Variants in USP30 observed in about 807,000 individuals in gnomAD.
The protein encoded by USP30 is ubiquitin specific peptidase 30, also known as ubiquitin carboxyl-terminal hydrolase 30.
In USP30, 41 loss-of-function variants were observed where a neutral mutation model predicts 68.2. That is an observed-to-expected ratio of 0.60 (90% CI 0.47 to 0.78). The LOEUF (loss-of-function observed/expected upper bound fraction) is 0.78, where lower values mean the gene tolerates loss of function less well. USP30 is among the 30% of genes least tolerant of loss of function. The pLI is 0.00. For synonymous variants in USP30, 229 were observed against 253.7 expected, an observed-to-expected ratio of 0.90 and a Z score of 0.93; for missense variants, 522 against 649.4, an observed-to-expected ratio of 0.80 and a Z score of 2.13.
In USP30 at chr12:109,052,797, G is replaced by C. The variant is rs749839720; in HGVS notation, c.83+36G>C. 1.3e-5 allele frequency: 19 copies of C among 1,422,576 alleles called. No individual in the cohort carries two copies. In the African/African-American group the frequency reaches 2.5e-4, roughly 19 times the overall value. The allele number at this position is 1,422,576 out of a possible 1,614,324, so 88.1% of individuals were successfully genotyped here. ...GGGGGGCGGGGCTGCCGAAGAGGCC[G>C]GGACCAGGGTCCCCAGCTTGGGCCC... On this transcript the variant is annotated intron_variant, in intron 1 of 12. Coordinates refer to ENST00000257548, the MANE Select transcript of USP30 (RefSeq NM_032663.5).
chr12:109,048,929 G>A (rs147845035), upstream of USP30, among the ~76,000 whole-genome samples: 179 of 152,184 alleles, frequency 1.2e-3, no homozygotes, highest in African/African-American at 4.1e-3. Flanking sequence ...CATTAAGGCT[G>A]GTCAGCTGTT....
At chr12:109,051,822 G>A (rs1445347508), upstream of USP30, among the ~76,000 whole-genome samples, 1 of 152,072 alleles carries the variant, frequency 6.6e-6, no homozygotes, top group Non-Finnish European at 1.5e-5. Context: ...CACCAGCCTC[G>A]TTCTCCCAAA....
intron 3 of USP30, among the ~76,000 whole-genome samples, chr12:109,046,881 G>A (rs994439104): frequency 6.6e-6 from 1 of 152,096 alleles, no homozygotes; most frequent in Non-Finnish European, 1.5e-5. Flanking sequence ...ATTTTTAGTA[G>A]AGACGGGGTT....
At chr12:109,060,109 A>C (rs2041017036) in intron 3 of USP30, 1 of 152,214 alleles carries the variant, frequency 6.6e-6, no homozygotes, top group Non-Finnish European at 1.5e-5. Context: ...GCCATTAAGA[A>C]TCACTTTTAT....
rs1339478994 is a variant in USP30, at chr12:109,086,691, C to T, written c.*760C>T. 1 of 152,256 alleles carries T rather than the reference C, an allele frequency of 6.6e-6. No individual in the cohort carries two copies. The highest frequency in any genetic ancestry group is 1.9e-4 in the East Asian group (1 of 5,204). The allele number at this position is 152,256 out of a possible 1,614,324, so 9.4% of individuals were successfully genotyped here. ...AACTCTGTGAATAGCCAGAACTGAG[C>T]TGGATCTTTGCAACACCTGATTCCT... On this transcript the variant is annotated 3_prime_UTR_variant, in exon 13 of 13. Transcript: ENST00000257548.
chr12:109,068,135 T>C (rs1365568567), intron 4 of USP30, among the ~76,000 whole-genome samples: 1 of 152,176 alleles, frequency 6.6e-6, no homozygotes. Context: ...TTTGCTGCCT[T>C]TTTTGGAACT....
chr12:109,055,242 C>G (rs992941721), intron 1 of USP30, among the ~76,000 whole-genome samples: 1 of 150,098 alleles, frequency 6.7e-6, no homozygotes, highest in Non-Finnish European at 1.5e-5. Flanking sequence ...TATAAATATT[C>G]AGCTCTTTTA....
chr12:109,067,100 G>A (rs376697558), intron 3 of USP30, among the ~76,000 whole-genome samples: 2 of 148,660 alleles, frequency 1.3e-5, no homozygotes, highest in African/African-American at 5.0e-5. Flanking sequence ...TAATCCTACA[G>A]TCCTTAATTT....
chr12:109,030,545 T>A (rs2040473541), intron 3 of USP30, among the ~76,000 whole-genome samples: 1 of 152,230 alleles, frequency 6.6e-6, no homozygotes, highest in South Asian at 2.1e-4. Context: ...TAGGTAACGA[T>A]ACTTGAAATT....
chr12:109,023,370 T>C (rs939440062), intron 1 of USP30, among the ~76,000 whole-genome samples: 3 of 152,020 alleles, frequency 2.0e-5, no homozygotes, highest in Admixed American at 6.6e-5. Context: ...CTGGCCAACA[T>C]GGCAAAACCT....
intron 3 of USP30, among the ~76,000 whole-genome samples, chr12:109,064,862 G>A (rs1033315470): frequency 6.6e-6 from 1 of 151,772 alleles, no homozygotes; most frequent in Non-Finnish European, 1.5e-5. Flanking sequence ...TTTTCCTTTG[G>A]GGGGTAGTTG....
At chr12:109,051,862 G>A (rs2135690085), upstream of USP30, among the ~76,000 whole-genome samples, 1 of 152,260 alleles carries the variant, frequency 6.6e-6, no homozygotes, top group South Asian at 2.1e-4. Flanking sequence ...GAGCCACGGC[G>A]TCTGGCCTAC....
intron 9 of USP30, chr12:109,082,412 T>TA: frequency 1.8e-6 from 1 of 557,204 alleles, no homozygotes; most frequent in South Asian, 2.4e-5. Flanking sequence ...AGAGAACAAT[T>TA]AATAGATGAC....
intron 11 of USP30, among the ~76,000 whole-genome samples, chr12:109,083,341 G>C (rs1013374143): frequency 6.6e-6 from 1 of 152,138 alleles, no homozygotes; most frequent in Non-Finnish European, 1.5e-5. Context: ...TAATTTTTCC[G>C]CTAAATGATA....
chr12:109,028,058 T>C (rs1184293438), intron 3 of USP30, among the ~76,000 whole-genome samples: 1 of 152,220 alleles, frequency 6.6e-6, no homozygotes, highest in Non-Finnish European at 1.5e-5. Context: ...CAACACTTGT[T>C]GATAATAGCC....
intron 3 of USP30, among the ~76,000 whole-genome samples, chr12:109,065,371 C>G (rs1390480780): frequency 6.6e-6 from 1 of 152,202 alleles, no homozygotes; most frequent in East Asian, 1.9e-4. Context: ...GGAACACAGT[C>G]ATGTCCATTT....
intron 3 of USP30, among the ~76,000 whole-genome samples, chr12:109,046,948 G>C (rs2040610719): frequency 1.3e-5 from 2 of 152,188 alleles, no homozygotes; most frequent in Admixed American, 1.3e-4. Flanking sequence ...CCACCCGCCT[G>C]GGCCTCCCAA....
intron 3 of USP30, among the ~76,000 whole-genome samples, chr12:109,045,998 G>C (rs189196725): frequency 2.1e-3 from 313 of 151,230 alleles, no homozygotes; most frequent in Non-Finnish European, 3.7e-3. Context: ...GTGCCAGAAA[G>C]CTGGAGACCT....
intron 3 of USP30, among the ~76,000 whole-genome samples, chr12:109,065,537 T>C (rs1175264710): frequency 6.6e-6 from 1 of 152,208 alleles, no homozygotes; most frequent in Non-Finnish European, 1.5e-5. Flanking sequence ...AAAGTGGGGA[T>C]CATTTATATG....
Sources: allele counts gnomAD v4.1 joint callset (sites outside exome capture counted in the v4.1 genomes callset), GRCh38; gene constraint gnomAD v4.1.1; transcripts MANE v1.5; gene names NCBI Gene and HGNC (gene_info 2026-07-23, HGNC 2026-07-21).